The following FASLG variants were observed in gnomAD, a reference collection of about 807,000 sequenced individuals.
The protein encoded by FASLG is tumor necrosis factor ligand superfamily member 6.
In FASLG, 9 loss-of-function variants were observed where a neutral mutation model predicts 24.6. The observed-to-expected ratio is 0.37, with a 90% confidence interval of 0.22 to 0.64. The LOEUF is 0.64. Ranked by LOEUF, FASLG falls within the 30% of genes least tolerant of loss-of-function variation. The pLI, the probability that FASLG is intolerant of heterozygous loss-of-function variation, is 0.64. For synonymous variants in FASLG, 130 were observed against 135.5 expected (o/e 0.96, Z 0.28); for missense variants, 306 against 345.3 (o/e 0.89, Z 0.90).
chr1:172,659,408 A>G lies in FASLG; in HGVS notation c.207A>G (p.Pro69=), dbSNP rs769398033. ...PPPPLPPLPL[P]PLKKRGNHST... ...CACCACTGCCTCCACTACCGCTGCC[A>G]CCCCTGAAGAAGAGAGGGAACCACA... The change falls in exon 1 of 4, where the codon CCA becomes CCG. Residue 69 remains proline, a synonymous_variant. Coordinates refer to ENST00000367721, the MANE Select transcript of FASLG (RefSeq NM_000639.3). 1.9e-6 allele frequency: 3 copies of G among 1,612,744 alleles called. No individual in the cohort carries two copies. The highest frequency in any genetic ancestry group is 3.3e-5 in the Admixed American group (2 of 59,792).
chr1:172,659,357 A>G lies in FASLG; in HGVS notation c.156A>G (p.Pro52=), dbSNP rs1310311466. The G allele has an allele frequency of 1.2e-6, 2 of 1,611,528 alleles. No homozygotes were observed. The highest frequency in any genetic ancestry group is 1.7e-6 in the Non-Finnish European group (2 of 1,179,014). ...GGCCACCACCACCACCGCCACCGCCACCACTACCACCTCCGCCGCCGCCGC... is the reference window on the plus strand; with the variant it reads ...GGCCACCACCACCACCGCCACCGCCGCCACTACCACCTCCGCCGCCGCCGC... The part of the protein sequence containing the change: ...QRRPPPPPPP[P]PLPPPPPPPP... Residue 52 remains proline (P), a synonymous_variant, in exon 1 of 4, where the codon CCA becomes CCG. Transcript: ENST00000367721.
chr1:172,666,616 GGTGTGT>G lies in FASLG; in HGVS notation c.*627_*632del, dbSNP rs10640513. 0.049 allele frequency: 7,351 copies of G among 150,292 alleles called. 598 individuals carry two copies. The highest frequency in any genetic ancestry group is 0.17 in the African/African-American group (6,977 of 40,332). 9.3% of individuals were successfully genotyped at this position (150,292 alleles called of 1,614,324 possible). A position where few individuals can be genotyped will look rare whatever the true frequency, so the allele number is the denominator to read the frequency against. On this transcript the variant is annotated 3_prime_UTR_variant, in exon 4 of 4. Transcript: ENST00000367721. The stretch of plus-strand genomic sequence containing the variant: ...TGTGTATTTCCAGTGCAATTGTAGG[GGTGTGT>G]GTGTGTGTGTGTGTGTGTGTGTGTG...
chr1:172,662,878 A>G (rs1486414548), intron 2 of FASLG, among the ~76,000 whole-genome samples: 3 of 152,166 alleles, frequency 2.0e-5, no homozygotes, highest in African/African-American at 4.8e-5. Flanking sequence ...GCTGAGTGCC[A>G]GATTAGTTGC....
chr1:172,662,762 T>A (rs1284075979), intron 2 of FASLG, among the ~76,000 whole-genome samples: 4 of 152,224 alleles, frequency 2.6e-5, no homozygotes, highest in African/African-American at 9.6e-5. Context: ...GTACAGCAGA[T>A]ATTCTTAGTG....
chr1:172,659,318 G>C lies in FASLG; in HGVS notation c.117G>C (p.Arg39Ser), dbSNP rs373329523. ...CCTGTCCAACCTCTGTGCCCAGAAGGCCTGGTCAAAGGAGGCCACCACCAC... is the reference window on the plus strand; with the variant it reads ...CCTGTCCAACCTCTGTGCCCAGAAGCCCTGGTCAAAGGAGGCCACCACCAC... The part of the protein sequence containing the change: ...VLPCPTSVPR[R>S]PGQRRPPPPP... The change falls in exon 1 of 4, where the codon AGG becomes AGC. Residue 39 changes from arginine to serine, a missense_variant. By Grantham distance (110) the Arg-to-Ser change is moderately radical (BLOSUM62 -1). Transcript: ENST00000367721. 1 of 1,613,954 alleles carries C rather than the reference G, an allele frequency of 6.2e-7. No individual in the cohort carries two copies. The highest frequency in any genetic ancestry group is 1.7e-4 in the Middle Eastern group (1 of 6,020).
Position 172,661,531 on chromosome 1 carries a change from G to A in FASLG, c.394+1391G>A, listed in dbSNP as rs115948472. Among the ~76,000 whole-genome samples, 83 of 152,210 alleles carry A rather than the reference G, an allele frequency of 5.5e-4. 1 individual carries two copies. The South Asian group carries it at 7.7e-3, about 14-fold the overall frequency. ...CTGTGGAATGTGCCTGGTCTGATAG[G>A]TATCTAATTATTCATCTTTCACCCA... On this transcript the variant is annotated intron_variant, in intron 2 of 3. Coordinates refer to ENST00000367721, the MANE Select transcript of FASLG (RefSeq NM_000639.3).
chr1:172,663,971 G>A (rs1659195473), intron 2 of FASLG, among the ~76,000 whole-genome samples: 1 of 152,130 alleles, frequency 6.6e-6, no homozygotes, highest in Non-Finnish European at 1.5e-5. Flanking sequence ...CAACTTCTAA[G>A]CTCATTTTGC....
chr1:172,664,261 G>C (rs1659204982), intron 2 of FASLG, 73 bp from the exon 3 acceptor site: 2 of 1,482,262 alleles, frequency 1.3e-6, no homozygotes, highest in Non-Finnish European at 1.9e-6. Flanking sequence ...TAAAATGATT[G>C]GATTTAAATT....
At chr1:172,665,085 G>A (rs2101810158) in intron 3 of FASLG, among the ~76,000 whole-genome samples, 1 of 152,262 alleles carries the variant, frequency 6.6e-6, no homozygotes, top group Middle Eastern at 3.4e-3. Context: ...CATCTAATAG[G>A]GAAAGACAGG....
At position 172,665,729 on chromosome 1, in the gene FASLG, G is replaced by A. The variant is rs1456004776; in HGVS notation, c.559G>A (p.Gly187Arg). The part of the protein sequence containing the change: ...KKGGLVINET[G>R]LYFVYSKVYF... The stretch of plus-strand genomic sequence containing the variant: ...GGGTGGCCTTGTGATCAATGAAACT[G>A]GGCTGTACTTTGTATATTCCAAAGT... Residue 187 changes from glycine (G) to arginine (R), a missense_variant, in exon 4 of 4, where the codon GGG (glycine) becomes AGG (arginine). By Grantham distance (125) the Gly-to-Arg change is moderately radical. Coordinates refer to ENST00000367721, the MANE Select transcript of FASLG (RefSeq NM_000639.3). 1 of 1,614,130 alleles carries A rather than the reference G, an allele frequency of 6.2e-7. No individual in the cohort carries two copies.
chr1:172,659,635 T>C (rs986811611), intron 1 of FASLG, 86 bp downstream of exon 1: 2 of 1,504,818 alleles, frequency 1.3e-6, no homozygotes, highest in African/African-American at 2.9e-5. Context: ...AAAGTGCTTT[T>C]CAATCCTTTT....
At chr1:172,660,483 C>T (rs957505030) in intron 2 of FASLG, among the ~76,000 whole-genome samples, 5 of 152,208 alleles carry the variant, frequency 3.3e-5, no homozygotes, top group Admixed American at 3.3e-4. Flanking sequence ...CTGGCACACA[C>T]GCCAGTGGCT....
In FASLG at chr1:172,666,104, T is replaced by C; in HGVS notation, c.*88T>C. 2 of 1,534,616 alleles carry C rather than the reference T, an allele frequency of 1.3e-6. No homozygotes were observed. Among genetic ancestry groups the C allele is most frequent in the Non-Finnish European group, 8.9e-7 (1 of 1,121,790 alleles). ...TCAGTGAGGGTCTTCTTACATGCAT[T>C]TGAGGTCAAGTAAGAAGACATGAAC... On this transcript the variant is annotated 3_prime_UTR_variant, in exon 4 of 4. Transcript: ENST00000367721.
chr1:172,665,543 CCA>C (rs1489624212), intron 3 of FASLG, 77 bp from the exon 4 acceptor site: 23 of 1,535,080 alleles, frequency 1.5e-5, no homozygotes, highest in Non-Finnish European at 2.0e-5. Flanking sequence ...AAGGAAGGGC[CCA>C]CAGTTTTGCC....
chr1:172,664,511 C>A, intron 3 of FASLG, 121 bp downstream of exon 3: 1 of 900,020 alleles, frequency 1.1e-6, no homozygotes, highest in African/African-American at 1.6e-5. Context: ...GTATTTGAAC[C>A]CAATAATACT....
In FASLG at chr1:172,660,113, A is replaced by G. The variant is rs762222796; in HGVS notation, c.367A>G (p.Thr123Ala). The change falls in exon 2 of 4, where the codon ACA becomes GCA. Residue 123 changes from threonine (T) to alanine (A), a missense_variant. Coordinates refer to ENST00000367721, the MANE Select transcript of FASLG (RefSeq NM_000639.3). Reference protein sequence around the residue: ...ELRESTSQMHTASSLEKQIGH... With the variant: ...ELRESTSQMHAASSLEKQIGH... ...TTACTAGTCTACCAGCCAGATGCAC[A>G]CAGCATCATCTTTGGAGAAGCAAAT... is the stretch of plus-strand genomic sequence containing the variant. The G allele has an allele frequency of 6.2e-6, 10 of 1,614,036 alleles. No individual in the cohort carries two copies. The highest frequency in any genetic ancestry group is 8.5e-6 in the Non-Finnish European group (10 of 1,180,004).
At chr1:172,659,910 G>T (rs1178179545) in intron 1 of FASLG, among the ~76,000 whole-genome samples, 185 bp from the exon 2 acceptor site, 1 of 152,124 alleles carries the variant, frequency 6.6e-6, no homozygotes, top group Non-Finnish European at 1.5e-5. Context: ...CTTGAAAATT[G>T]GTACGATTCC....
Position 172,659,468 on chromosome 1 carries a change from G to T in FASLG, c.267G>T (p.Met89Ile), listed in dbSNP as rs755013985. 6.2e-7 allele frequency: 1 copy of T among 1,614,040 alleles called. No homozygotes were observed. Among genetic ancestry groups the T allele is most frequent in the Non-Finnish European group, 8.5e-7 (1 of 1,180,000 alleles). The change falls in exon 1 of 4, where the codon ATG (methionine) becomes ATT (isoleucine). Residue 89 changes from methionine (M) to isoleucine (I), a missense_variant. Coordinates refer to ENST00000367721, the MANE Select transcript of FASLG (RefSeq NM_000639.3). ...TGTGTCTCCTTGTGATGTTTTTCAT[G>T]GTTCTGGTTGCCTTGGTAGGATTGG... is the stretch of plus-strand genomic sequence containing the variant. ...TGLCLLVMFF[M>I]VLVALVGLGL... is the part of the protein sequence containing the mutation.
At position 172,659,370 on chromosome 1, in the gene FASLG, C is replaced by T. The variant is rs1301499867; in HGVS notation, c.169C>T (p.Pro57Ser). 1.2e-6 allele frequency: 2 copies of T among 1,608,242 alleles called. No homozygotes were observed. The stretch of plus-strand genomic sequence containing the variant: ...ACCGCCACCGCCACCACTACCACCT[C>T]CGCCGCCGCCGCCACCACTGCCTCC... ...PPPPPPPLPP[P>S]PPPPPLPPLP... Residue 57 changes from proline to serine, a missense_variant, in exon 1 of 4, where the codon CCG becomes TCG. Physicochemically the swap from Pro to Ser is moderately conservative, Grantham distance 74. Transcript: ENST00000367721.
Sources: allele counts gnomAD v4.1 joint callset (sites outside exome capture counted in the v4.1 genomes callset), GRCh38; gene constraint gnomAD v4.1.1; transcripts MANE v1.5; gene names NCBI Gene and HGNC (gene_info 2026-07-23, HGNC 2026-07-21).